The following KCNH2 variants were observed in gnomAD, a reference collection of about 807,000 sequenced individuals.
The protein encoded by KCNH2 is voltage-gated inwardly rectifying potassium channel KCNH2.
In KCNH2, 35 loss-of-function variants were observed where a neutral mutation model predicts 95.9. The ratio of observed to expected loss-of-function variants is 0.37; its 90% confidence interval spans 0.28 to 0.48. The LOEUF (loss-of-function observed/expected upper bound fraction) is 0.48. Ranked by LOEUF, KCNH2 falls within the 20% of genes least tolerant of loss-of-function variation. KCNH2 has a pLI of 0.99. For synonymous variants in KCNH2, 786 were observed against 754.7 expected, an observed-to-expected ratio of 1.04 and a Z score of -0.68; for missense variants, 1,274 against 1,702.9, an observed-to-expected ratio of 0.75 and a Z score of 4.43.
intron 9 of KCNH2, 90 bp downstream of exon 9, chr7:150,950,077 CA>C: frequency 6.2e-7 from 1 of 1,613,224 alleles, no homozygotes; most frequent in South Asian, 1.1e-5. Flanking sequence ...GTCCCAGGTC[CA>C]CAGCCCCAGT....
intron 1 of KCNH2, among the ~76,000 whole-genome samples, chr7:150,976,899 TC>T (rs917942396): frequency 2.0e-5 from 3 of 151,326 alleles, no homozygotes; most frequent in African/African-American, 7.3e-5. Context: ...GACCCCTCCT[TC>T]CCCCAACCAC....
chr7:150,968,816 G>C (rs1279724058), intron 2 of KCNH2, among the ~76,000 whole-genome samples: 1 of 152,198 alleles, frequency 6.6e-6, no homozygotes, highest in African/African-American at 2.4e-5. Flanking sequence ...ATAGGAGCAG[G>C]GGTGCTGAGG....
chr7:150,970,624 G>A lies in KCNH2; in HGVS notation c.307+4087C>T, dbSNP rs115937974. Among the ~76,000 whole-genome samples, 451 of 152,266 alleles carry A rather than the reference G, an allele frequency of 3.0e-3. 2 individuals carry two copies. Among genetic ancestry groups the A allele is most frequent in the African/African-American group, 0.01 (430 of 41,544 alleles). On this transcript the variant is annotated intron_variant, in intron 2 of 14. Coordinates refer to ENST00000262186, the MANE Select transcript of KCNH2 (RefSeq NM_000238.4). ...TGATCCAGCTAGAGAAGGGAAAGGT[G>A]GAGGGAAGGTGCTGCAGGGCAAGAG...
intron 2 of KCNH2, among the ~76,000 whole-genome samples, chr7:150,969,369 C>T (rs923974236): frequency 2.0e-5 from 3 of 152,200 alleles, no homozygotes; most frequent in Admixed American, 2.0e-4. Context: ...CCTTGTGCTG[C>T]TGGTCAGGTG....
rs1563170569 is a variant in KCNH2, at chr7:150,958,328, G to A, written c.647C>T (p.Thr216Ile). ...SSESLALDEV[T>I]AMDNHVAGLG... ...CCCTGCCACGTGGTTGTCCATGGCT[G>A]TCACTTCGTCCAGGGCCAGCGACTC... The change falls in exon 4 of 15, where the codon ACA (threonine) becomes ATA (isoleucine). Residue 216 changes from threonine (T) to isoleucine (I), a missense_variant. Around this residue, in one of 7 missense-constraint regions of KCNH2, gnomAD observed 392 missense variants for 429.9 expected, o/e 0.91. Coordinates refer to ENST00000262186, the MANE Select transcript of KCNH2 (RefSeq NM_000238.4). The A allele has an allele frequency of 6.7e-7, 1 of 1,489,642 alleles. No individual in the cohort carries two copies. The highest frequency in any genetic ancestry group is 8.9e-7 in the Non-Finnish European group (1 of 1,127,096). The allele number at this position is 1,489,642 out of a possible 1,614,324, so 92.3% of individuals were successfully genotyped here. A position where few individuals can be genotyped will look rare whatever the true frequency, so the allele number is the denominator to read the frequency against.
rs587777907 is a variant in KCNH2, at chr7:150,958,319, T to A, written c.656A>T (p.Asp219Val). ...SLALDEVTAM[D>V]NHVAGLGPAE... The stretch of plus-strand genomic sequence containing the variant: ...GGGCCCGAGCCCTGCCACGTGGTTG[T>A]CCATGGCTGTCACTTCGTCCAGGGC... Residue 219 changes from aspartate to valine, a missense_variant, in exon 4 of 15, where the codon GAC becomes GTC. Asp to Val is a radical substitution (Grantham distance 152, BLOSUM62 -3). Around this residue, in one of 7 missense-constraint regions of KCNH2, gnomAD observed 392 missense variants for 429.9 expected, o/e 0.91. Transcript: ENST00000262186. 11 of 1,487,770 alleles carry A rather than the reference T, an allele frequency of 7.4e-6. No homozygotes were observed. In the South Asian group the frequency reaches 1.3e-4, roughly 17 times the overall value. 92.2% of individuals were successfully genotyped at this position (1,487,770 alleles called of 1,614,324 possible).
Position 150,947,458 on chromosome 7 carries a change from G to T in KCNH2, c.3022C>A (p.Gln1008Lys). The T allele has an allele frequency of 6.4e-7, 1 of 1,568,966 alleles. No individual in the cohort carries two copies. The highest frequency in any genetic ancestry group is 8.6e-7 in the Non-Finnish European group (1 of 1,157,608). Residue 1008 changes from glutamine to lysine, a missense_variant, in exon 13 of 15, where the codon CAG becomes AAG. By Grantham distance (53) the Gln-to-Lys change is moderately conservative. This residue lies in a region of KCNH2 where 457 missense variants were observed against 416.1 expected (regional missense o/e 1.10). Coordinates refer to ENST00000262186, the MANE Select transcript of KCNH2 (RefSeq NM_000238.4). The part of the protein sequence containing the change: ...FSFWGDSRGR[Q>K]YQELPRCPAP... ...GGGCATCGAGGGAGCTCCTGGTACT[G>T]GCGGCCCCGACTGTCCCCCCAGAAG...
At chr7:150,947,299 GC>G (rs746810235) in intron 13 of KCNH2, 28 bp downstream of exon 13, 51 of 1,518,764 alleles carry the variant, frequency 3.4e-5, no homozygotes, top group East Asian at 9.8e-5. Context: ...TCCAGGGCGT[GC>G]CCCCCCACCC....
Position 150,958,357 on chromosome 7 carries a change from G to A in KCNH2, c.618C>T (p.Ser206=), listed in dbSNP as rs1239732312. 22 of 1,485,246 alleles carry A rather than the reference G, an allele frequency of 1.5e-5. No individual in the cohort carries two copies. The highest frequency in any genetic ancestry group is 1.8e-5 in the Non-Finnish European group (20 of 1,125,232). 92.0% of individuals were successfully genotyped at this position (1,485,246 alleles called of 1,614,324 possible). ...VDVDLTPAAP[S]SESLALDEVT... is the part of the protein sequence containing the mutation. ...CTTCGTCCAGGGCCAGCGACTCGCT[G>A]CTGGGTGCCGCGGGCGTCAGGTCCA... The change falls in exon 4 of 15, where the codon AGC becomes AGT. Residue 206 remains serine (S), a synonymous_variant. Transcript: ENST00000262186.
chr7:150,967,054 G>A (rs542614730), intron 2 of KCNH2, among the ~76,000 whole-genome samples: 11 of 152,202 alleles, frequency 7.2e-5, no homozygotes, highest in South Asian at 2.1e-4. Flanking sequence ...CAAGGCGGGC[G>A]GATCACCTGA....
At chr7:150,970,083 G>A (rs941184281) in intron 2 of KCNH2, among the ~76,000 whole-genome samples, 1 of 152,074 alleles carries the variant, frequency 6.6e-6, no homozygotes. Context: ...ACTGGGAGGG[G>A]GCAATGAGAG....
At chr7:150,953,620 T>C (rs1801266576) in intron 5 of KCNH2, among the ~76,000 whole-genome samples, 2 of 152,160 alleles carry the variant, frequency 1.3e-5, no homozygotes, top group African/African-American at 4.8e-5. Flanking sequence ...TCCACAGTCA[T>C]CAGACAGAGG....
chr7:150,956,985 C>T (rs1801395494), intron 5 of KCNH2, among the ~76,000 whole-genome samples: 1 of 152,168 alleles, frequency 6.6e-6, no homozygotes, highest in African/African-American at 2.4e-5. Flanking sequence ...GTCATGTCCC[C>T]AGCCTCAACT....
At chr7:150,976,367 C>A (rs558146449) in intron 1 of KCNH2, among the ~76,000 whole-genome samples, 1 of 152,212 alleles carries the variant, frequency 6.6e-6, no homozygotes, top group Admixed American at 6.5e-5. Flanking sequence ...GTTCCCAAGG[C>A]CCCCCAGACC....
At position 150,957,352 on chromosome 7, in the gene KCNH2, C is replaced by T. The variant is rs730880118; in HGVS notation, c.1067G>A (p.Arg356His). The T allele has an allele frequency of 7.3e-5, 118 of 1,612,202 alleles. No individual in the cohort carries two copies. Among genetic ancestry groups the T allele is most frequent in the Non-Finnish European group, 8.6e-5 (102 of 1,179,266 alleles). Residue 356 changes from arginine (R) to histidine (H), a missense_variant, in exon 5 of 15, where the codon CGT becomes CAT. By Grantham distance (29) the Arg-to-His change is conservative. This residue lies in a region of KCNH2 where 392 missense variants were observed against 429.9 expected (regional missense o/e 0.91). Coordinates refer to ENST00000262186, the MANE Select transcript of KCNH2 (RefSeq NM_000238.4). ...CTTTATCTTAGGTGCTATGATCTCA[C>T]GGTCACTGGTGGGCGAAGCCAAGAA... ...DPFLASPTSD[R>H]EIIAPKIKER...
chr7:150,959,772 A>G, intron 2 of KCNH2, 36 bp from the exon 3 acceptor site: 2 of 1,613,392 alleles, frequency 1.2e-6, no homozygotes, highest in South Asian at 1.1e-5. Flanking sequence ...CTTGGCACCC[A>G]CTCAGTGGGC....
chr7:150,963,246 G>A (rs1464080306), intron 2 of KCNH2, among the ~76,000 whole-genome samples: 1 of 152,236 alleles, frequency 6.6e-6, no homozygotes, highest in Non-Finnish European at 1.5e-5. Context: ...GGTGCAACAG[G>A]GGAGAGGGTT....
rs1801207418 is a variant in KCNH2, at chr7:150,952,375, A to G, written c.1557+50T>C. The G allele has an allele frequency of 6.4e-7, 1 of 1,574,596 alleles. No homozygotes were observed. The highest frequency in any genetic ancestry group is 8.7e-7 in the Non-Finnish European group (1 of 1,152,468). ...CCTCCACCCCACTACCTCCCACCAC[A>G]TTCCTGGCCTCTCCTCTCCCTACAC... On this transcript the variant is annotated intron_variant, in intron 6 of 14. Coordinates refer to ENST00000262186, the MANE Select transcript of KCNH2 (RefSeq NM_000238.4). This position sits in a 1 kb window ranked among gnomAD's most constrained non-coding sequence, Gnocchi z 7.3.
chr7:150,958,507 G>GGGAGA lies in KCNH2; in HGVS notation c.473-10_473-6dup. 3.4e-6 allele frequency: 5 copies of GGGAGA among 1,475,950 alleles called. No individual in the cohort carries two copies. The highest frequency in any genetic ancestry group is 4.5e-6 in the Non-Finnish European group (5 of 1,120,204). 91.4% of individuals were successfully genotyped at this position (1,475,950 alleles called of 1,614,324 possible). ...GGCGGAAGGTCTTGGCGCGGCCTGC[G>GGGAGA]GGAGAGGAGAGGCACGTGGTCGTGG... On this transcript the variant is annotated splice_region_variant and splice_polypyrimidine_tract_variant and intron_variant, in intron 3 of 14. Transcript: ENST00000262186.
Sources: allele counts gnomAD v4.1 joint callset (sites outside exome capture counted in the v4.1 genomes callset), GRCh38; gene constraint gnomAD v4.1.1; regional missense constraint gnomAD v4.1.1; non-coding constraint Gnocchi (gnomAD v3.1); transcripts MANE v1.5; gene names NCBI Gene and HGNC (gene_info 2026-07-23, HGNC 2026-07-21).